The following CSMD1 variants were observed in gnomAD, a reference collection of about 807,000 sequenced individuals.
The protein encoded by CSMD1 is CUB and sushi domain-containing protein 1.
CSMD1 carries 213 observed loss-of-function variants against 417.5 expected under a neutral mutation model. That is an observed-to-expected ratio of 0.51 (90% CI 0.46 to 0.57). CSMD1 has a LOEUF of 0.57. Ranked by LOEUF, CSMD1 falls within the 20% of genes least tolerant of loss-of-function variation. The pLI is 0.00. For synonymous variants in CSMD1, 2,862 were observed against 1,736.8 expected (o/e 1.65, Z -16.11); for missense variants, 6,923 against 4,529.7 (o/e 1.53, Z -15.17).
At chr8:3,903,113 G>A (rs950763157) in intron 5 of CSMD1, among the ~76,000 whole-genome samples, 1 of 152,158 alleles carries the variant, frequency 6.6e-6, no homozygotes, top group East Asian at 1.9e-4. Context: ...GCTAGGTGGA[G>A]ACCTTCTTAC....
At chr8:4,879,109 A>G (rs1357085828) in intron 1 of CSMD1, among the ~76,000 whole-genome samples, 1 of 152,084 alleles carries the variant, frequency 6.6e-6, no homozygotes, top group Non-Finnish European at 1.5e-5. Context: ...ACAAAAAAAG[A>G]TATCATTTAC....
At chr8:3,995,974 G>C (rs866485349) in intron 5 of CSMD1, among the ~76,000 whole-genome samples, 5 of 152,186 alleles carry the variant, frequency 3.3e-5, no homozygotes, top group African/African-American at 9.7e-5. Flanking sequence ...CAAGAAGACA[G>C]TGGTAGTCTC....
chr8:3,748,295 G>A (rs1797156334), intron 6 of CSMD1, among the ~76,000 whole-genome samples: 1 of 152,070 alleles, frequency 6.6e-6, no homozygotes, highest in African/African-American at 2.4e-5. Context: ...TTATTTAAAG[G>A]TTATAATATA....
intron 2 of CSMD1, among the ~76,000 whole-genome samples, chr8:4,512,374 G>A (rs1323544084): frequency 6.6e-6 from 1 of 152,112 alleles, no homozygotes; most frequent in African/African-American, 2.4e-5. Flanking sequence ...CTAAGAGCAG[G>A]AAACAAGGCA....
chr8:3,442,755 A>T (rs1321754932), intron 12 of CSMD1, among the ~76,000 whole-genome samples: 2 of 152,226 alleles, frequency 1.3e-5, no homozygotes, highest in Non-Finnish European at 2.9e-5. Context: ...ATACACACGT[A>T]CATATATATT....
chr8:3,104,928 C>A (rs560944014), intron 46 of CSMD1, among the ~76,000 whole-genome samples: 145 of 152,234 alleles, frequency 9.5e-4, no homozygotes, highest in African/African-American at 3.2e-3. Context: ...CTGGTCTCGA[C>A]CTCCCAGCCT....
At chr8:3,516,622 G>A (rs1202857481) in intron 10 of CSMD1, among the ~76,000 whole-genome samples, 2 of 152,098 alleles carry the variant, frequency 1.3e-5, no homozygotes, top group South Asian at 4.1e-4. Context: ...TATTTTTGTT[G>A]TTATTGTTTT....
chr8:3,879,958 T>C (rs529620478), intron 5 of CSMD1, among the ~76,000 whole-genome samples: 2 of 152,296 alleles, frequency 1.3e-5, no homozygotes, highest in East Asian at 3.9e-4. Flanking sequence ...ATTTATTTGA[T>C]GGGTTAGAAT....
At chr8:4,100,387 T>C (rs1801244265) in intron 3 of CSMD1, among the ~76,000 whole-genome samples, 2 of 152,146 alleles carry the variant, frequency 1.3e-5, no homozygotes, top group Admixed American at 1.3e-4. Context: ...CCTTCCACCT[T>C]CCCTGTGTCT....
intron 3 of CSMD1, among the ~76,000 whole-genome samples, chr8:4,414,029 G>A (rs116327514): frequency 5.3e-5 from 8 of 151,896 alleles, no homozygotes; most frequent in Non-Finnish European, 7.4e-5. Flanking sequence ...GTGCTAGCAC[G>A]TTCTTGAAAA....
At chr8:4,687,838 C>CAT (rs947535198) in intron 1 of CSMD1, among the ~76,000 whole-genome samples, 10 of 25,634 alleles carry the variant, frequency 3.9e-4, no homozygotes, top group Admixed American at 1.2e-3. Flanking sequence ...TACATACATA[C>CAT]ACACACACAC....
chr8:3,639,936 G>A (rs2117307490), intron 7 of CSMD1, among the ~76,000 whole-genome samples: 1 of 152,280 alleles, frequency 6.6e-6, no homozygotes, highest in South Asian at 2.1e-4. Flanking sequence ...AGCCAGATAA[G>A]AAGAGAAAAT....
intron 3 of CSMD1, among the ~76,000 whole-genome samples, chr8:4,217,605 GC>G (rs1563290164): frequency 6.6e-6 from 1 of 151,496 alleles, no homozygotes; most frequent in Non-Finnish European, 1.5e-5. Context: ...TGGTGAACAG[GC>G]AAGTTATCTT....
intron 3 of CSMD1, among the ~76,000 whole-genome samples, chr8:4,209,187 T>G (rs1042081550): frequency 5.9e-5 from 9 of 152,172 alleles, no homozygotes; most frequent in Non-Finnish European, 1.0e-4. Flanking sequence ...CAGATGTAGG[T>G]GGCTTTATCG....
chr8:3,588,377 C>G (rs567937727), intron 8 of CSMD1, among the ~76,000 whole-genome samples: 2 of 152,084 alleles, frequency 1.3e-5, no homozygotes, highest in African/African-American at 4.8e-5. Flanking sequence ...CATGAGAGTC[C>G]TCGGGTAGGA....
intron 21 of CSMD1, among the ~76,000 whole-genome samples, chr8:3,349,202 T>C (rs2117645396): frequency 6.6e-6 from 1 of 152,304 alleles, no homozygotes; most frequent in South Asian, 2.1e-4. Context: ...CAGTATTCCT[T>C]TTCCACTGGG....
chr8:4,961,897 T>A lies in CSMD1; in HGVS notation c.85+32435A>T, dbSNP rs1809513919. On this transcript the variant is annotated intron_variant, in intron 1 of 69. Transcript: ENST00000635120. Reference sequence around the variant, plus strand: ...TTTTCTAACACGTGCAAAAATTCCTTCCTTTTTTTTCCAATCTATTATTTT... The same window carrying A: ...TTTTCTAACACGTGCAAAAATTCCTACCTTTTTTTTCCAATCTATTATTTT... 4.0e-5 allele frequency among the ~76,000 whole-genome samples: 3 copies of A among 75,778 alleles called. No individual in the cohort carries two copies. In the South Asian group the frequency reaches 1.4e-3, roughly 36 times the overall value. The allele number at this position is 75,778 out of a possible 152,430, so 49.7% of individuals were successfully genotyped here.
intron 21 of CSMD1, 109 bp from the exon 22 acceptor site, chr8:3,348,270 G>A (rs264309): frequency 2.6e-6 from 2 of 762,152 alleles, no homozygotes; most frequent in African/African-American, 3.7e-5. Flanking sequence ...CAACGTATGT[G>A]TGTTAGTAAT....
At chr8:4,486,500 A>G (rs1378844712) in intron 2 of CSMD1, among the ~76,000 whole-genome samples, 2 of 151,852 alleles carry the variant, frequency 1.3e-5, no homozygotes, top group African/African-American at 4.8e-5. Flanking sequence ...TTTAAAAATT[A>G]GTGATGTTTA....
Sources: allele counts gnomAD v4.1 joint callset (sites outside exome capture counted in the v4.1 genomes callset), GRCh38; gene constraint gnomAD v4.1.1; transcripts MANE v1.5; gene names NCBI Gene and HGNC (gene_info 2026-07-23, HGNC 2026-07-21).